The following PSD3 variants were observed in gnomAD, a reference collection of about 807,000 sequenced individuals.
PSD3 encodes the protein pleckstrin and Sec7 domain containing 3, also known as PH and SEC7 domain-containing protein 3.
PSD3 carries 49 observed loss-of-function variants against 105.5 expected under a neutral mutation model. That is an observed-to-expected ratio of 0.46 (90% CI 0.37 to 0.59). PSD3 has a LOEUF of 0.59. PSD3 is among the 20% of genes least tolerant of loss of function. The probability of loss-of-function intolerance (pLI) is 0.00; values close to 1 mark genes in which losing one functional copy is unlikely to be tolerated. For missense variants in PSD3, 1,561 were observed against 1,263.8 expected, an observed-to-expected ratio of 1.24 and a Z score of -3.57; for synonymous variants, 557 against 457.8, an observed-to-expected ratio of 1.22 and a Z score of -2.77.
intron 2 of PSD3, among the ~76,000 whole-genome samples, chr8:18,910,445 C>T (rs1429665055): frequency 1.9e-5 from 2 of 107,976 alleles, no homozygotes; most frequent in African/African-American, 7.3e-5. Flanking sequence ...AATGAGATCA[C>T]ATGGACACAG....
intron 9 of PSD3, among the ~76,000 whole-genome samples, chr8:18,758,784 T>C (rs754328007): frequency 6.6e-6 from 1 of 152,184 alleles, no homozygotes; most frequent in Non-Finnish European, 1.5e-5. Flanking sequence ...GAGAAAATTA[T>C]GTTTAAAACA....
At chr8:18,672,665 T>C (rs73591509) in intron 9 of PSD3, among the ~76,000 whole-genome samples, 1 of 152,136 alleles carries the variant, frequency 6.6e-6, no homozygotes, top group African/African-American at 2.4e-5. Flanking sequence ...TGCATAAAAA[T>C]AAGTTGCATG....
chr8:18,652,659 A>G (rs770978146), intron 10 of PSD3, among the ~76,000 whole-genome samples: 14 of 151,722 alleles, frequency 9.2e-5, no homozygotes, highest in Non-Finnish European at 4.4e-5. Context: ...CACCACGCCC[A>G]GCTAATTTTT....
At chr8:18,598,410 TAAAAAAAAAA>T (rs1211306767) in intron 12 of PSD3, among the ~76,000 whole-genome samples, 1 of 1,400 alleles carries the variant, frequency 7.1e-4, no homozygotes, top group African/African-American at 1.3e-3. Context: ...TAGAGTATAA[TAAAAAAAAAA>T]AAAAAAAAAA....
At chr8:18,728,061 C>G (rs1280679678) in intron 9 of PSD3, among the ~76,000 whole-genome samples, 1 of 148,876 alleles carries the variant, frequency 6.7e-6, no homozygotes. Flanking sequence ...TTATGAAAAA[C>G]AGAAAAAAAA....
chr8:19,027,215 A>T (rs1014923957), intron 1 of PSD3, among the ~76,000 whole-genome samples: 1 of 152,082 alleles, frequency 6.6e-6, no homozygotes. Flanking sequence ...TCTCCAAGGG[A>T]AAAAAACAAA....
At chr8:18,576,110 A>G (rs7815083) in intron 12 of PSD3, among the ~76,000 whole-genome samples, 1 of 152,142 alleles carries the variant, frequency 6.6e-6, no homozygotes, top group African/African-American at 2.4e-5. Context: ...TGCTTTTACA[A>G]ATTTTCACAA....
intron 14 of PSD3, among the ~76,000 whole-genome samples, chr8:18,556,896 T>A (rs976248124): frequency 6.6e-6 from 1 of 152,238 alleles, no homozygotes; most frequent in Non-Finnish European, 1.5e-5. Flanking sequence ...ATCTCGCTTT[T>A]CTCTTACCAA....
intron 2 of PSD3, among the ~76,000 whole-genome samples, chr8:18,901,362 G>A (rs1307319733): frequency 6.6e-6 from 1 of 152,150 alleles, no homozygotes; most frequent in African/African-American, 2.4e-5. Flanking sequence ...GCTGGGTCAT[G>A]TTTTTTCATC....
intron 4 of PSD3, among the ~76,000 whole-genome samples, chr8:18,844,963 A>C (rs1159509294): frequency 6.6e-6 from 1 of 152,234 alleles, no homozygotes; most frequent in Admixed American, 6.5e-5. Flanking sequence ...GCTTTGCACT[A>C]AAATCTGGGA....
Position 18,535,902 on chromosome 8 carries a change from C to G in PSD3, c.2985G>C (p.Leu995=), listed in dbSNP as rs1231508039. ...CTGCAGCCTCGCTTTCATCGTTACT[C>G]AGTAGCTCTTTGCCTCCTTCCTTGA... ...SILKEGGKEL[L]SNDESEAAGL... The change falls in exon 16 of 16, where the codon CTG becomes CTC. Residue 995 remains leucine, a synonymous_variant. Transcript: ENST00000327040. 6.2e-7 allele frequency: 1 copy of G among 1,614,080 alleles called. No individual in the cohort carries two copies. The highest frequency in any genetic ancestry group is 1.3e-5 in the African/African-American group (1 of 74,928).
chr8:18,999,264 A>G (rs529910551), intron 1 of PSD3, among the ~76,000 whole-genome samples: 2 of 151,942 alleles, frequency 1.3e-5, no homozygotes, highest in South Asian at 4.2e-4. Flanking sequence ...AACCAACTCC[A>G]GGATGTCTCA....
At chr8:18,658,213 T>C (rs1164081601) in intron 9 of PSD3, among the ~76,000 whole-genome samples, 1 of 152,212 alleles carries the variant, frequency 6.6e-6, no homozygotes, top group East Asian at 1.9e-4. Context: ...AATTGCAAAA[T>C]TGCAAAGAAT....
chr8:18,556,545 G>T (rs565809769), intron 14 of PSD3, among the ~76,000 whole-genome samples, 193 bp from the exon 15 acceptor site: 1 of 152,164 alleles, frequency 6.6e-6, no homozygotes, highest in African/African-American at 2.4e-5. Context: ...TCCCGGGATG[G>T]CAATCAAGGC....
At chr8:18,551,402 A>G (rs1800760661) in intron 15 of PSD3, among the ~76,000 whole-genome samples, 1 of 152,214 alleles carries the variant, frequency 6.6e-6, no homozygotes, top group South Asian at 2.1e-4. Flanking sequence ...AATGACTTTG[A>G]ATAGAATGTA....
intron 9 of PSD3, chr8:18,762,846 C>T (rs915590286): frequency 3.9e-6 from 4 of 1,038,242 alleles, no homozygotes; most frequent in East Asian, 1.2e-4. Flanking sequence ...TTTTCTTAAC[C>T]CTTTCTCTTC....
chr8:19,003,806 G>A (rs80130293), intron 1 of PSD3, among the ~76,000 whole-genome samples: 18,117 of 151,918 alleles, frequency 0.12, 1,338 homozygotes, highest in Non-Finnish European at 0.16. Context: ...GGTAAGCAAT[G>A]TAGCCAGACT....
chr8:19,084,453 C>A, exon 1 of PSD3: 1 of 455,350 alleles, frequency 2.2e-6, no homozygotes, highest in Non-Finnish European at 4.4e-6. Flanking sequence ...GGGGTCCATG[C>A]CCCACAGATC....
intron 1 of PSD3, among the ~76,000 whole-genome samples, chr8:18,963,440 C>A (rs902154795): frequency 6.6e-6 from 1 of 152,186 alleles, no homozygotes; most frequent in Non-Finnish European, 1.5e-5. Context: ...GATTCCCACT[C>A]AAGAATCTTA....
Sources: allele counts gnomAD v4.1 joint callset (sites outside exome capture counted in the v4.1 genomes callset), GRCh38; gene constraint gnomAD v4.1.1; transcripts MANE v1.5; gene names NCBI Gene and HGNC (gene_info 2026-07-23, HGNC 2026-07-21).